The following IGFBP7 variants were observed in gnomAD, a reference collection of about 807,000 sequenced individuals.
The protein encoded by IGFBP7 is insulin like growth factor binding protein 7, also known as insulin-like growth factor-binding protein 7.
Under a neutral mutation model 29.4 loss-of-function variants are expected in IGFBP7, and 31 were observed. The observed-to-expected ratio is 1.05, with a 90% CI of 0.79 to 1.42. The LOEUF is 1.42. Among genes scored for constraint, IGFBP7 ranks in the 40% most tolerant of loss-of-function variants. The pLI is 0.00. For synonymous variants in IGFBP7, 172 were observed against 174.9 expected, an observed-to-expected ratio of 0.98 and a Z score of 0.13; for missense variants, 393 against 395.5, an observed-to-expected ratio of 0.99 and a Z score of 0.05.
chr4:57,104,628 A>T (rs1387966111), intron 1 of IGFBP7, among the ~76,000 whole-genome samples: 1 of 152,256 alleles, frequency 6.6e-6, no homozygotes, highest in African/African-American at 2.4e-5. Flanking sequence ...GGAGGTTTAA[A>T]ACTCATCAAA....
Position 57,048,294 on chromosome 4 carries a change from C to G in IGFBP7, c.476-7361G>C, listed in dbSNP as rs1359616761. On this transcript the variant is annotated intron_variant, in intron 1 of 4. Coordinates refer to ENST00000295666, the MANE Select transcript of IGFBP7 (RefSeq NM_001553.3). ...TCGATCTCCTGACCTCGTGATCCAC[C>G]TGCCTCGGCCTCCCAAAGTACTGGG... 2.6e-5 allele frequency among the ~76,000 whole-genome samples: 4 copies of G among 152,168 alleles called. 1 individual carries two copies. The South Asian group carries it at 8.3e-4, about 31-fold the overall frequency.
chr4:57,110,041 C>G lies in IGFBP7; in HGVS notation c.311G>C (p.Gly104Ala). ...CACGCACACGCCGCTTACACCCGGACCGCCGGCTGCTGCCCCGGCTTTACC... is the reference window on the plus strand; with the variant it reads ...CACGCACACGCCGCTTACACCCGGAGCGCCGGCTGCTGCCCCGGCTTTACC... ...RKGKAGAAAG[G>A]PGVSGVCVCK... is the part of the protein sequence containing the mutation. Residue 104 changes from glycine (G) to alanine (A), a missense_variant, in exon 1 of 5, where the codon GGT becomes GCT. Coordinates refer to ENST00000295666, the MANE Select transcript of IGFBP7 (RefSeq NM_001553.3). The G allele has an allele frequency of 6.4e-7, 1 of 1,559,264 alleles. No individual in the cohort carries two copies. The highest frequency in any genetic ancestry group is 8.6e-7 in the Non-Finnish European group (1 of 1,158,572).
intron 1 of IGFBP7, among the ~76,000 whole-genome samples, chr4:57,055,875 C>G (rs1451374569): frequency 1.3e-5 from 2 of 152,048 alleles, no homozygotes; most frequent in Non-Finnish European, 2.9e-5. Flanking sequence ...TGGCTTTAAG[C>G]GGGCAAGGAG....
At chr4:57,093,152 A>C (rs1489082702) in intron 1 of IGFBP7, among the ~76,000 whole-genome samples, 1 of 152,240 alleles carries the variant, frequency 6.6e-6, no homozygotes, top group Non-Finnish European at 1.5e-5. Context: ...TTCCCAGGAC[A>C]CACTGAAGCT....
intron 1 of IGFBP7, among the ~76,000 whole-genome samples, chr4:57,049,230 G>A (rs1284791664): frequency 6.6e-6 from 1 of 152,100 alleles, no homozygotes; most frequent in Non-Finnish European, 1.5e-5. Flanking sequence ...GATATTAGGA[G>A]AAGTCATGTT....
chr4:57,038,958 T>G (rs2109741097), intron 2 of IGFBP7, among the ~76,000 whole-genome samples: 1 of 149,932 alleles, frequency 6.7e-6, no homozygotes, highest in Admixed American at 6.7e-5. Flanking sequence ...CCCAACTACT[T>G]GAGAGACTGA....
intron 1 of IGFBP7, among the ~76,000 whole-genome samples, chr4:57,074,068 T>TC (rs1725134706): frequency 6.8e-6 from 1 of 146,134 alleles, no homozygotes; most frequent in Non-Finnish European, 1.5e-5. Flanking sequence ...TCTCTCTCTC[T>TC]TTTTTCTTTT....
chr4:57,053,502 T>G (rs1724566537), intron 1 of IGFBP7, among the ~76,000 whole-genome samples: 3 of 152,204 alleles, frequency 2.0e-5, no homozygotes, highest in African/African-American at 7.2e-5. Flanking sequence ...ATGAAGGACT[T>G]GAAACCATGT....
At chr4:57,078,743 C>T (rs771711627) in intron 1 of IGFBP7, among the ~76,000 whole-genome samples, 9 of 147,806 alleles carry the variant, frequency 6.1e-5, no homozygotes, top group South Asian at 2.1e-4. Flanking sequence ...TTTATGCAGA[C>T]GGGGTCCACA....
At chr4:57,074,338 G>A (rs1484457940) in intron 1 of IGFBP7, among the ~76,000 whole-genome samples, 1 of 152,172 alleles carries the variant, frequency 6.6e-6, no homozygotes, top group Non-Finnish European at 1.5e-5. Flanking sequence ...TGGGATTACA[G>A]GCGTGAGCCA....
intron 1 of IGFBP7, among the ~76,000 whole-genome samples, chr4:57,049,515 T>C (rs1463800279): frequency 6.6e-6 from 1 of 152,192 alleles, no homozygotes; most frequent in Non-Finnish European, 1.5e-5. Flanking sequence ...CTTACCTACT[T>C]GGAATATCTT....
At chr4:57,059,957 G>A (rs1724761670) in intron 1 of IGFBP7, among the ~76,000 whole-genome samples, 1 of 152,168 alleles carries the variant, frequency 6.6e-6, no homozygotes, top group African/African-American at 2.4e-5. Context: ...TTTCAGCATT[G>A]TATAGCATTA....
chr4:57,062,438 A>G (rs1410479924), intron 1 of IGFBP7, among the ~76,000 whole-genome samples: 1 of 152,192 alleles, frequency 6.6e-6, no homozygotes, highest in African/African-American at 2.4e-5. Flanking sequence ...TACTATTTGC[A>G]CCCGGTCTGA....
At chr4:57,109,153 G>C (rs1726106747) in intron 1 of IGFBP7, among the ~76,000 whole-genome samples, 1 of 152,116 alleles carries the variant, frequency 6.6e-6, no homozygotes, top group African/African-American at 2.4e-5. Context: ...TAAGAAATCA[G>C]GGCTGTGCAC....
chr4:57,042,237 C>G (rs1160200036), intron 1 of IGFBP7, among the ~76,000 whole-genome samples: 1 of 152,254 alleles, frequency 6.6e-6, no homozygotes, highest in Non-Finnish European at 1.5e-5. Flanking sequence ...TGGTATGACT[C>G]TCTGGTCCTG....
At chr4:57,087,520 C>T (rs114243009) in intron 1 of IGFBP7, among the ~76,000 whole-genome samples, 2,172 of 152,164 alleles carry the variant, frequency 0.014, 42 homozygotes, top group African/African-American at 0.05. Flanking sequence ...CACAGGAGTC[C>T]CTGGGCACTA....
At chr4:57,092,418 G>T (rs1343821352) in intron 1 of IGFBP7, among the ~76,000 whole-genome samples, 1 of 152,006 alleles carries the variant, frequency 6.6e-6, no homozygotes, top group Non-Finnish European at 1.5e-5. Flanking sequence ...TAACAGGCAG[G>T]GTCCCTGGTT....
At chr4:57,095,038 G>A (rs1442274510) in intron 1 of IGFBP7, among the ~76,000 whole-genome samples, 2 of 152,150 alleles carry the variant, frequency 1.3e-5, no homozygotes, top group African/African-American at 2.4e-5. Flanking sequence ...CTTTCTGATG[G>A]TGACTCAGCT....
intron 1 of IGFBP7, among the ~76,000 whole-genome samples, chr4:57,107,797 T>C: frequency 6.6e-6 from 1 of 152,242 alleles, no homozygotes; most frequent in East Asian, 1.9e-4. Context: ...GGTACTGAGC[T>C]GGGTGTACAT....
Sources: allele counts gnomAD v4.1 joint callset (sites outside exome capture counted in the v4.1 genomes callset), GRCh38; gene constraint gnomAD v4.1.1; transcripts MANE v1.5; gene names NCBI Gene and HGNC (gene_info 2026-07-23, HGNC 2026-07-21).